PIK3CD: variants seen among roughly 807,000 people sequenced by gnomAD.
PIK3CD encodes the protein phosphatidylinositol-4,5-bisphosphate 3-kinase catalytic subunit delta, also known as phosphatidylinositol 4,5-bisphosphate 3-kinase catalytic subunit delta isoform.
PIK3CD carries 20 observed loss-of-function variants against 122.9 expected under a neutral mutation model. That is an observed-to-expected ratio of 0.16 (90% CI 0.11 to 0.24). The LOEUF is 0.24. PIK3CD is among the 10% of genes least tolerant of loss of function. PIK3CD has a pLI of 1.00. For synonymous variants in PIK3CD, 596 were observed against 593.4 expected, an observed-to-expected ratio of 1.00 and a Z score of -0.06; for missense variants, 787 against 1,406.3, an observed-to-expected ratio of 0.56 and a Z score of 7.04.
At chr1:9,656,296 A>G (rs1164317722) in intron 1 of PIK3CD, among the ~76,000 whole-genome samples, 2 of 152,204 alleles carry the variant, frequency 1.3e-5, no homozygotes, top group African/African-American at 4.8e-5. Context: ...TTTGCATTAT[A>G]TGCTTACCAA....
At chr1:9,640,439 G>A in the PIK3CD span, among the ~76,000 whole-genome samples, 1 of 152,024 alleles carries the variant, frequency 6.6e-6, no homozygotes, top group African/African-American at 2.4e-5. Flanking sequence ...AATTAGCTAG[G>A]CGTGGTGGTG....
intron 1 of PIK3CD, among the ~76,000 whole-genome samples, chr1:9,662,063 CAGGA>C (rs778109435): frequency 1.8e-4 from 27 of 152,004 alleles, no homozygotes; most frequent in Middle Eastern, 3.4e-3. Context: ...GAGGCTGAGG[CAGGA>C]AAATCACTTG....
chr1:9,720,504 A>C lies in PIK3CD; in HGVS notation c.1471-107A>C. On this transcript the variant is annotated intron_variant, in intron 11 of 23. Transcript: ENST00000377346. This position sits in a 1 kb window ranked among gnomAD's most constrained non-coding sequence, Gnocchi z 9.0. Reference sequence around the variant, plus strand: ...CTGCTGTGGATGCGCCTCCATGCAGAGGACAGCGCCCCCTCAAGGATGATT... The same window carrying C: ...CTGCTGTGGATGCGCCTCCATGCAGCGGACAGCGCCCCCTCAAGGATGATT... 6.5e-7 allele frequency: 1 copy of C among 1,529,694 alleles called. No individual in the cohort carries two copies. 94.8% of individuals were successfully genotyped at this position (1,529,694 alleles called of 1,614,324 possible). A position where few individuals can be genotyped will look rare whatever the true frequency, so the allele number is the denominator to read the frequency against.
rs112682484 is a variant in PIK3CD, at chr1:9,707,322, CTT to C, written c.-32-3088_-32-3087del. ...CAAGAGAGAGGGTAAATTGTGGTTT[CTT>C]TTTTTTTTTTTTTCCTTGAGTGTTA... On this transcript the variant is annotated intron_variant, in intron 2 of 23. Coordinates refer to ENST00000377346, the MANE Select transcript of PIK3CD (RefSeq NM_005026.5). Among the ~76,000 whole-genome samples, 1,080 of 117,010 alleles carry C rather than the reference CTT, an allele frequency of 9.2e-3. 18 individuals are homozygous for C. The highest frequency in any genetic ancestry group is 0.056 in the East Asian group (218 of 3,926). The allele number at this position is 117,010 out of a possible 152,430, so 76.8% of individuals were successfully genotyped here.
chr1:9,645,836 C>T, the PIK3CD span, among the ~76,000 whole-genome samples: 1 of 152,118 alleles, frequency 6.6e-6, no homozygotes, highest in Non-Finnish European at 1.5e-5. Flanking sequence ...GAACCCCTGA[C>T]CTCAGGTGAT....
rs1215611407 is a variant in PIK3CD at position 9,700,586 on chromosome 1, G to A, written c.-33+9015G>A. ...TGGTCACCGTCCATCACTGGGTGAC[G>A]CGACCCCAGCTCCCCGCTCTGTGTC... On this transcript the variant is annotated intron_variant, in intron 2 of 23. Coordinates refer to ENST00000377346, the MANE Select transcript of PIK3CD (RefSeq NM_005026.5). The surrounding 1 kb of genome is among the most constrained non-coding windows in gnomAD (Gnocchi z 5.1). 1.3e-5 allele frequency among the ~76,000 whole-genome samples: 2 copies of A among 152,084 alleles called. No individual in the cohort carries two copies. Among genetic ancestry groups the A allele is most frequent in the Non-Finnish European group, 2.9e-5 (2 of 68,014 alleles).
intron 1 of PIK3CD, among the ~76,000 whole-genome samples, chr1:9,659,898 G>A (rs983129309): frequency 3.3e-5 from 5 of 152,000 alleles, no homozygotes; most frequent in African/African-American, 7.2e-5. Flanking sequence ...TTACAGGTAC[G>A]CACCACCACA....
Position 9,718,287 on chromosome 1 carries a change from T to C in PIK3CD, c.1021-407T>C, listed in dbSNP as rs961464608. 4 of 461,716 alleles carry C rather than the reference T, an allele frequency of 8.7e-6. No homozygotes were observed. The highest frequency in any genetic ancestry group is 3.9e-5 in the African/African-American group (2 of 50,684). 28.6% of individuals were successfully genotyped at this position (461,716 alleles called of 1,614,324 possible). On this transcript the variant is annotated intron_variant, in intron 8 of 23. Transcript: ENST00000377346. This position sits in a 1 kb window ranked among gnomAD's most constrained non-coding sequence, Gnocchi z 7.2. ...TCCAGGGTGGTGGTGTCAGGTGGAA[T>C]TGGAAGGGGCCGGACATCAGGTGGC...
chr1:9,722,393 CCCTGGGGGGT>C lies in PIK3CD; in HGVS notation c.2347+45_2347+54del, dbSNP rs1648819010. ...GCCTCCCCACACCCCGCCTGTACTG[CCCTGGGGGGT>C]CCTGGGGTGCTCCTAGAGTGGGGGT... On this transcript the variant is annotated intron_variant, in intron 18 of 23. Transcript: ENST00000377346. This position sits in a 1 kb window ranked among gnomAD's most constrained non-coding sequence, Gnocchi z 7.6. The C allele has an allele frequency of 6.3e-7, 1 of 1,576,822 alleles. No individual in the cohort carries two copies. Among genetic ancestry groups the C allele is most frequent in the African/African-American group, 1.3e-5 (1 of 74,156 alleles).
At position 9,710,694 on chromosome 1, in the gene PIK3CD, T is replaced by TGGACAGAC; in HGVS notation, c.141+107_141+114dup. On this transcript the variant is annotated intron_variant, in intron 3 of 23. Transcript: ENST00000377346. This position sits in a 1 kb window ranked among gnomAD's most constrained non-coding sequence, Gnocchi z 4.7. The stretch of plus-strand genomic sequence containing the variant: ...ACAGACAGACAGACAGATGGACAGG[T>TGGACAGAC]GGACAGACGGACAGACAGATGGACA... 1.5e-6 allele frequency: 2 copies of TGGACAGAC among 1,350,882 alleles called. No homozygotes were observed. Among genetic ancestry groups the TGGACAGAC allele is most frequent in the East Asian group, 4.6e-5 (2 of 43,492 alleles). The allele number at this position is 1,350,882 out of a possible 1,614,324, so 83.7% of individuals were successfully genotyped here. A position where few individuals can be genotyped will look rare whatever the true frequency, so the allele number is the denominator to read the frequency against.
In PIK3CD at chr1:9,722,922, T is replaced by C. The variant is rs1477573049; in HGVS notation, c.2427-203T>C. Among the ~76,000 whole-genome samples, 1 of 152,180 alleles carries C rather than the reference T, an allele frequency of 6.6e-6. No individual in the cohort carries two copies. The highest frequency in any genetic ancestry group is 1.5e-5 in the Non-Finnish European group (1 of 68,042). On this transcript the variant is annotated intron_variant, in intron 19 of 23. Transcript: ENST00000377346. The surrounding 1 kb of genome is among the most constrained non-coding windows in gnomAD (Gnocchi z 7.6). Reference sequence around the variant, plus strand: ...TGTCTGGTTCTCTTCCAAGCAAATGTGAACTCAGCTGTGGTGCTTTCTGCA... The same window carrying C: ...TGTCTGGTTCTCTTCCAAGCAAATGCGAACTCAGCTGTGGTGCTTTCTGCA...
intron 6 of PIK3CD, 103 bp from the exon 7 acceptor site, chr1:9,716,856 G>T: frequency 6.6e-7 from 1 of 1,523,724 alleles, no homozygotes; most frequent in South Asian, 1.1e-5. Context: ...CTCTCCCAAG[G>T]CCTAGGACAG....
chr1:9,640,243 C>T, the PIK3CD span, among the ~76,000 whole-genome samples: 1 of 152,052 alleles, frequency 6.6e-6, no homozygotes, highest in African/African-American at 2.4e-5. Flanking sequence ...GCCAGTTTCC[C>T]CAGGGAGCCC....
intron 1 of PIK3CD, among the ~76,000 whole-genome samples, chr1:9,679,680 C>T (rs982265584): frequency 6.6e-6 from 1 of 152,170 alleles, no homozygotes; most frequent in Admixed American, 6.5e-5. Context: ...ATTCCTTGGG[C>T]ACCAGTGACT....
chr1:9,656,960 A>C, intron 1 of PIK3CD, among the ~76,000 whole-genome samples: 1 of 141,062 alleles, frequency 7.1e-6, no homozygotes, highest in East Asian at 2.4e-4. Flanking sequence ...AAAAAAAAAA[A>C]AAATGTATTC....
At chr1:9,660,829 AT>A (rs1644989811) in intron 1 of PIK3CD, 1 of 151,942 alleles carries the variant, frequency 6.6e-6, no homozygotes, top group South Asian at 2.1e-4. Context: ...AAATGACTTT[AT>A]TCTTGCATCT....
In PIK3CD at chr1:9,689,114, C is replaced by T. The variant is rs922598686; in HGVS notation, c.-137-2353C>T. ...TGTGACCTGGGTCCAGTACCCCGCC[C>T]TTTCTGCGGATGCCTTGCAAAGCGG... On this transcript the variant is annotated intron_variant, in intron 1 of 23. Transcript: ENST00000377346. This position sits in a 1 kb window ranked among gnomAD's most constrained non-coding sequence, Gnocchi z 6.1. Among the ~76,000 whole-genome samples, 1 of 152,244 alleles carries T rather than the reference C, an allele frequency of 6.6e-6. No homozygotes were observed. Among genetic ancestry groups the T allele is most frequent in the East Asian group, 1.9e-4 (1 of 5,196 alleles).
At chr1:9,656,402 G>A (rs530028601) in intron 1 of PIK3CD, among the ~76,000 whole-genome samples, 3 of 152,284 alleles carry the variant, frequency 2.0e-5, no homozygotes, top group Admixed American at 6.5e-5. Flanking sequence ...ATTTTGGAAC[G>A]TTGTAGATTT....
intron 1 of PIK3CD, among the ~76,000 whole-genome samples, chr1:9,678,766 C>A (rs1015012039): frequency 2.8e-4 from 43 of 152,320 alleles, no homozygotes; most frequent in Middle Eastern, 3.4e-3. Flanking sequence ...TGTCTTGAAC[C>A]TGTTTCTATT....
Sources: allele counts gnomAD v4.1 joint callset (sites outside exome capture counted in the v4.1 genomes callset), GRCh38; gene constraint gnomAD v4.1.1; non-coding constraint Gnocchi (gnomAD v3.1); transcripts MANE v1.5; gene names NCBI Gene and HGNC (gene_info 2026-07-23, HGNC 2026-07-21).